The following MORC2 variants were observed in gnomAD, a reference collection of about 807,000 sequenced individuals.
MORC2 encodes the protein ATPase MORC2.
In MORC2, 30 loss-of-function variants were observed where a neutral mutation model predicts 136.0. The observed-to-expected ratio is 0.22, with a 90% CI of 0.17 to 0.30. The LOEUF (loss-of-function observed/expected upper bound fraction) is 0.30. MORC2 is among the 10% of genes least tolerant of loss of function. The pLI is 1.00. For synonymous variants in MORC2, 439 were observed against 487.0 expected (o/e 0.90, Z 1.30); for missense variants, 922 against 1,333.1 (o/e 0.69, Z 4.80).
At chr22:30,956,943 T>TA in intron 2 of MORC2, 146 bp from the exon 3 acceptor site, 1 of 602,628 alleles carries the variant, frequency 1.7e-6, no homozygotes, top group Non-Finnish European at 2.7e-6. Context: ...GAATTTTTTT[T>TA]ACTTTTATAC....
chr22:30,951,281 CA>C (rs2040882510), intron 3 of MORC2, among the ~76,000 whole-genome samples: 1 of 152,212 alleles, frequency 6.6e-6, no homozygotes, highest in African/African-American at 2.4e-5. Flanking sequence ...TCTTCTGCAG[CA>C]GAAAGTGGTT....
Position 30,934,958 on chromosome 22 carries a change from C to A in MORC2, c.2016G>T (p.Glu672Asp). 6.2e-7 allele frequency: 1 copy of A among 1,614,068 alleles called. No individual in the cohort carries two copies. Among genetic ancestry groups the A allele is most frequent in the East Asian group, 2.2e-5 (1 of 44,862 alleles). Residue 672 changes from glutamate (E) to aspartate (D), a missense_variant, in exon 19 of 26, where the codon GAG (glutamate) becomes GAT (aspartate). Glu to Asp is a conservative substitution (Grantham distance 45). Around this residue, in one of 9 missense-constraint regions of MORC2, gnomAD observed 184 missense variants for 180.3 expected, o/e 1.02. Coordinates refer to ENST00000397641, the MANE Select transcript of MORC2 (RefSeq NM_001303256.3). The surrounding 1 kb of genome is among the most constrained non-coding windows in gnomAD (Gnocchi z 4.4). The stretch of plus-strand genomic sequence containing the variant: ...GAGTGTTGGCAGGCTTTCGGGGTGC[C>A]TCAGGTGGCTGGAGCAGCCTAGATG... ...ASTSRLLQPP[E>D]APRKPANTLV...
In MORC2 at chr22:30,937,071, A is replaced by G. The variant is rs778108790; in HGVS notation, c.1499-34T>C. On this transcript the variant is annotated intron_variant, in intron 15 of 25. Coordinates refer to ENST00000397641, the MANE Select transcript of MORC2 (RefSeq NM_001303256.3). The surrounding 1 kb of genome is among the most constrained non-coding windows in gnomAD (Gnocchi z 4.7). The stretch of plus-strand genomic sequence containing the variant: ...AGCAAAAAAACCCCACATATCAGCC[A>G]CGCCCACCAACTCTATCTGTAATCC... 1 of 1,460,228 alleles carries G rather than the reference A, an allele frequency of 6.8e-7. No homozygotes were observed. 90.5% of individuals were successfully genotyped at this position (1,460,228 alleles called of 1,614,324 possible).
Position 30,932,658 on chromosome 22 carries a change from C to G in MORC2, c.2634G>C (p.Gln878His), listed in dbSNP as rs1388475410. The change falls in exon 23 of 26, where the codon CAG becomes CAC. Residue 878 changes from glutamine (Q) to histidine (H), a missense_variant. Physicochemically the swap from Gln to His is conservative, Grantham distance 24. Transcript: ENST00000397641. The surrounding 1 kb of genome is among the most constrained non-coding windows in gnomAD (Gnocchi z 4.4). Reference protein sequence around the residue: ...GGEEEVGPVAQQAIAVAEPST... With the variant: ...GGEEEVGPVAHQAIAVAEPST... ...AGGGCTCTGCGACAGCTATGGCCTG[C>G]TGGGCCACAGGGCCCACCTCCTCCT... is the stretch of plus-strand genomic sequence containing the variant. 14 of 1,614,044 alleles carry G rather than the reference C, an allele frequency of 8.7e-6. No homozygotes were observed. The highest frequency in any genetic ancestry group is 1.2e-5 in the Non-Finnish European group (14 of 1,180,020).
In MORC2 at chr22:30,940,055, G is replaced by A. The variant is rs762972760; in HGVS notation, c.905-14C>T. The A allele has an allele frequency of 3.7e-6, 6 of 1,612,636 alleles. No individual in the cohort carries two copies. The East Asian group carries it at 1.3e-4, about 36-fold the overall frequency. On this transcript the variant is annotated splice_polypyrimidine_tract_variant and intron_variant, in intron 10 of 25. Transcript: ENST00000397641. ...CCTTCTCTTCAGCTGAAACCCAGAA[G>A]AGAACATGGTAAGAAATGCAAAGGT...
chr22:30,932,278 AT>A lies in MORC2; in HGVS notation c.2841+80del. 8.2e-7 allele frequency: 1 copy of A among 1,212,170 alleles called. No individual in the cohort carries two copies. The highest frequency in any genetic ancestry group is 1.2e-6 in the Non-Finnish European group (1 of 844,058). The allele number at this position is 1,212,170 out of a possible 1,614,324, so 75.1% of individuals were successfully genotyped here. ...AGCAACTGCAACAAGCGTAACAATCATAATCACAACAGTTACAACAAATGCA... is the reference window on the plus strand; with the variant it reads ...AGCAACTGCAACAAGCGTAACAATCAAATCACAACAGTTACAACAAATGCA... On this transcript the variant is annotated intron_variant, in intron 24 of 25. Coordinates refer to ENST00000397641, the MANE Select transcript of MORC2 (RefSeq NM_001303256.3). The surrounding 1 kb of genome is among the most constrained non-coding windows in gnomAD (Gnocchi z 4.4).
intron 9 of MORC2, 36 bp from the exon 10 acceptor site, chr22:30,940,873 A>T (rs377131597): frequency 1.2e-4 from 195 of 1,563,562 alleles, no homozygotes; most frequent in Middle Eastern, 1.7e-4. Context: ...TGGCCCACGC[A>T]GCAGTGGGGC....
chr22:30,936,033 C>T (rs1231426333), intron 17 of MORC2, among the ~76,000 whole-genome samples: 3 of 152,134 alleles, frequency 2.0e-5, no homozygotes, highest in African/African-American at 7.2e-5. Flanking sequence ...TTACAATGGA[C>T]CTTTTAAGTC....
intron 2 of MORC2, 27 bp downstream of exon 2, chr22:30,958,614 C>T (rs1340633174): frequency 6.5e-7 from 1 of 1,531,384 alleles, no homozygotes. Flanking sequence ...ACTTCAAGCA[C>T]AGATTGTATG....
At position 30,932,343 on chromosome 22, in the gene MORC2, G is replaced by C. The variant is rs1228786808; in HGVS notation, c.2841+16C>G. On this transcript the variant is annotated intron_variant, in intron 24 of 25. Coordinates refer to ENST00000397641, the MANE Select transcript of MORC2 (RefSeq NM_001303256.3). This position sits in a 1 kb window ranked among gnomAD's most constrained non-coding sequence, Gnocchi z 4.4. ...GGGAATGAAGAGTGTGGAATCGAAG[G>C]TCAGGCCAGACTCACCAGAGGAAAA... is the stretch of plus-strand genomic sequence containing the variant. 2 of 1,595,296 alleles carry C rather than the reference G, an allele frequency of 1.3e-6. No individual in the cohort carries two copies. The highest frequency in any genetic ancestry group is 1.7e-4 in the Middle Eastern group (1 of 6,002).
chr22:30,935,140 G>A lies in MORC2; in HGVS notation c.1834C>T (p.Arg612Cys), dbSNP rs764168751. The part of the protein sequence containing the change: ...STEEPVRRPQ[R>C]PRSPPLPAVI... ...GCAGGTAAAGGGGGCGACCGAGGAC[G>A]CTGAGGTCTACGCACAGGTTCCTAA... Residue 612 changes from arginine (R) to cysteine (C), a missense_variant, in exon 19 of 26, where the codon CGT (arginine) becomes TGT (cysteine). Transcript: ENST00000397641. 1.2e-6 allele frequency: 2 copies of A among 1,613,052 alleles called. No individual in the cohort carries two copies. The highest frequency in any genetic ancestry group is 1.3e-5 in the African/African-American group (1 of 74,934).
chr22:30,932,223 T>C lies in MORC2; in HGVS notation c.2841+136A>G, dbSNP rs1238058811. The C allele has an allele frequency of 1.1e-5, 9 of 803,132 alleles. No homozygotes were observed. The highest frequency in any genetic ancestry group is 1.8e-5 in the Non-Finnish European group (9 of 496,470). The allele number at this position is 803,132 out of a possible 1,614,324, so 49.8% of individuals were successfully genotyped here. A position where few individuals can be genotyped will look rare whatever the true frequency, so the allele number is the denominator to read the frequency against. ...CCTCTTCTTTCAGCAGGAGAGAGGC[T>C]GGCTGAGATGGAGCACACAGCTGAG... is the stretch of plus-strand genomic sequence containing the variant. On this transcript the variant is annotated intron_variant, in intron 24 of 25. Transcript: ENST00000397641. This position sits in a 1 kb window ranked among gnomAD's most constrained non-coding sequence, Gnocchi z 4.4.
chr22:30,955,652 T>A (rs1337922574), intron 3 of MORC2, among the ~76,000 whole-genome samples: 3 of 152,084 alleles, frequency 2.0e-5, no homozygotes, highest in Admixed American at 6.5e-5. Flanking sequence ...CCTCACACAT[T>A]TCAGAGGATT....
intron 1 of MORC2, among the ~76,000 whole-genome samples, chr22:30,964,913 G>C (rs2041103132): frequency 8.0e-6 from 1 of 124,758 alleles, no homozygotes; most frequent in Admixed American, 7.7e-5. Context: ...AACTATTATA[G>C]AGTAACACTC....
At chr22:30,933,738 GT>G (rs2040610942) in intron 20 of MORC2, among the ~76,000 whole-genome samples, 1 of 152,172 alleles carries the variant, frequency 6.6e-6, no homozygotes, top group Non-Finnish European at 1.5e-5. Flanking sequence ...AGGGACATGT[GT>G]TTCAAGCCTC....
At position 30,938,225 on chromosome 22, in the gene MORC2, C is replaced by CA. The variant is rs1241849032; in HGVS notation, c.1074-21dup. On this transcript the variant is annotated intron_variant, in intron 12 of 25. Transcript: ENST00000397641. ...AGTGCTCTAAGAAGACAAAAAAACT[C>CA]AAGCAGATCTACACATCGGCACACA... 1.2e-6 allele frequency: 2 copies of CA among 1,608,126 alleles called. No individual in the cohort carries two copies. The highest frequency in any genetic ancestry group is 2.2e-5 in the South Asian group (2 of 90,412).
At chr22:30,945,221 C>T (rs2040798644) in intron 6 of MORC2, among the ~76,000 whole-genome samples, 1 of 152,194 alleles carries the variant, frequency 6.6e-6, no homozygotes, top group Non-Finnish European at 1.5e-5. Flanking sequence ...TCCTAGAAGC[C>T]TGCTCTTTCC....
At position 30,925,275 on chromosome 22, in the gene MORC2, C is replaced by T. The variant is rs1313667271; in HGVS notation, c.*1528G>A. ...TAGGTTTGGGGACAAAAGTGGACCC[C>T]ATGCTGCCTGAGATGAAGAGAGAGA... On this transcript the variant is annotated 3_prime_UTR_variant, in exon 26 of 26. Coordinates refer to ENST00000397641, the MANE Select transcript of MORC2 (RefSeq NM_001303256.3). The T allele has an allele frequency of 3.4e-6, 1 of 294,086 alleles. No homozygotes were observed. Among genetic ancestry groups the T allele is most frequent in the African/African-American group, 2.2e-5 (1 of 44,584 alleles). The allele number at this position is 294,086 out of a possible 1,614,324, so 18.2% of individuals were successfully genotyped here.
At chr22:30,936,191 G>A (rs1164593168) in intron 17 of MORC2, among the ~76,000 whole-genome samples, 2 of 152,152 alleles carry the variant, frequency 1.3e-5, no homozygotes, top group African/African-American at 4.8e-5. Flanking sequence ...TGACAAGTTG[G>A]AAGGATGTAT....
Sources: allele counts gnomAD v4.1 joint callset (sites outside exome capture counted in the v4.1 genomes callset), GRCh38; gene constraint gnomAD v4.1.1; regional missense constraint gnomAD v4.1.1; non-coding constraint Gnocchi (gnomAD v3.1); transcripts MANE v1.5; gene names NCBI Gene and HGNC (gene_info 2026-07-23, HGNC 2026-07-21).